Variants in SAFB observed in about 807,000 individuals in gnomAD.
The protein encoded by SAFB is scaffold attachment factor B1.
A neutral mutation model predicts 101.6 loss-of-function variants in SAFB; 15 were observed. The ratio of observed to expected loss-of-function variants is 0.15; its 90% confidence interval spans 0.10 to 0.23. The LOEUF (loss-of-function observed/expected upper bound fraction) is 0.23, where lower values mean the gene tolerates loss of function less well. SAFB is among the 10% of genes least tolerant of loss of function. The pLI is 1.00. For missense variants in SAFB, 930 were observed against 1,104.1 expected (o/e 0.84, Z 2.23); for synonymous variants, 449 against 407.5 (o/e 1.10, Z -1.23).
intron 15 of SAFB, among the ~76,000 whole-genome samples, chr19:5,663,707 G>T (rs2054266921): frequency 6.6e-6 from 1 of 152,186 alleles, no homozygotes. Flanking sequence ...AGGCTCACGT[G>T]GTCTTCCTGA....
intron 2 of SAFB, among the ~76,000 whole-genome samples, chr19:5,640,670 A>G (rs558458443): frequency 1.1e-4 from 17 of 152,164 alleles, no homozygotes; most frequent in African/African-American, 4.1e-4. Context: ...GCTCACTGCA[A>G]CCTAAACCTC....
chr19:5,645,768 C>T (rs1454597502), intron 5 of SAFB, among the ~76,000 whole-genome samples: 2 of 152,124 alleles, frequency 1.3e-5, no homozygotes, highest in African/African-American at 4.8e-5. Flanking sequence ...GGCATGGCTA[C>T]CTGGGAAAGA....
intron 8 of SAFB, 82 bp downstream of exon 8, chr19:5,650,057 G>T (rs2053903151): frequency 2.8e-6 from 3 of 1,074,546 alleles, no homozygotes; most frequent in Non-Finnish European, 2.9e-6. Context: ...TTCATCGCGT[G>T]CTATGCTCCT....
intron 13 of SAFB, among the ~76,000 whole-genome samples, chr19:5,656,824 C>T (rs193083899): frequency 4.7e-4 from 72 of 152,002 alleles, no homozygotes; most frequent in African/African-American, 1.6e-3. Context: ...AGGCTGGAGT[C>T]GAGTGGCTCG....
Position 5,667,172 on chromosome 19 carries a change from T to G in SAFB, c.2453+8T>G. The G allele has an allele frequency of 6.6e-7, 1 of 1,512,184 alleles. No individual in the cohort carries two copies. Among genetic ancestry groups the G allele is most frequent in the Non-Finnish European group, 9.1e-7 (1 of 1,095,650 alleles). 93.7% of individuals were successfully genotyped at this position (1,512,184 alleles called of 1,614,324 possible). A position where few individuals can be genotyped will look rare whatever the true frequency, so the allele number is the denominator to read the frequency against. Reference sequence around the variant, plus strand: ...GCTGCCTCCTCCCCCCAGGTTTGTGTCCCACACCCGACAGTACCTGACCCC... The same window carrying G: ...GCTGCCTCCTCCCCCCAGGTTTGTGGCCCACACCCGACAGTACCTGACCCC... On this transcript the variant is annotated splice_region_variant and intron_variant, in intron 18 of 20. Coordinates refer to ENST00000588852, the MANE Select transcript of SAFB (RefSeq NM_001201338.2). This position sits in a 1 kb window ranked among gnomAD's most constrained non-coding sequence, Gnocchi z 4.0.
chr19:5,654,466 A>T lies in SAFB; in HGVS notation c.1755+10A>T. On this transcript the variant is annotated intron_variant, in intron 13 of 20. Coordinates refer to ENST00000588852, the MANE Select transcript of SAFB (RefSeq NM_001201338.2). ...CGGGTCCAAAGAGAGAGTGAGTATT[A>T]ATTTTCTAACTAGGGTATTTTGCTC... is the stretch of plus-strand genomic sequence containing the variant. 2.7e-6 allele frequency: 4 copies of T among 1,508,392 alleles called. No homozygotes were observed. Among genetic ancestry groups the T allele is most frequent in the Non-Finnish European group, 3.7e-6 (4 of 1,083,898 alleles). 93.4% of individuals were successfully genotyped at this position (1,508,392 alleles called of 1,614,324 possible). A position where few individuals can be genotyped will look rare whatever the true frequency, so the allele number is the denominator to read the frequency against.
chr19:5,649,724 C>T (rs2053894346), intron 7 of SAFB: 3 of 826,222 alleles, frequency 3.6e-6, no homozygotes, highest in East Asian at 2.7e-5. Flanking sequence ...TTCCTAATTA[C>T]CTTTAGCCCA....
rs571672826 is a variant in SAFB at position 5,660,437 on chromosome 19, C to T, written c.1863-1081C>T. Among the ~76,000 whole-genome samples the T allele has an allele frequency of 2.9e-5, 4 of 140,176 alleles. No homozygotes were observed. In the South Asian group the frequency reaches 9.3e-4, roughly 33 times the overall value. 92.0% of individuals were successfully genotyped at this position (140,176 alleles called of 152,430 possible). A position where few individuals can be genotyped will look rare whatever the true frequency, so the allele number is the denominator to read the frequency against. On this transcript the variant is annotated intron_variant, in intron 14 of 20. Coordinates refer to ENST00000588852, the MANE Select transcript of SAFB (RefSeq NM_001201338.2). The stretch of plus-strand genomic sequence containing the variant: ...GTGCAATCATAGTTCACTGCAGCCT[C>T]TACCTCCTGGTTTCAAGTGATTGAT...
chr19:5,665,484 T>G (rs1219193722), intron 17 of SAFB: 1 of 152,066 alleles, frequency 6.6e-6, no homozygotes, highest in Non-Finnish European at 1.5e-5. Flanking sequence ...ACAAACGTGT[T>G]TATCATTGCC....
chr19:5,668,406 C>A lies in SAFB; in HGVS notation c.*115C>A. 2.6e-6 allele frequency: 3 copies of A among 1,136,858 alleles called. No individual in the cohort carries two copies. Among genetic ancestry groups the A allele is most frequent in the Non-Finnish European group, 3.6e-6 (3 of 829,040 alleles). 70.4% of individuals were successfully genotyped at this position (1,136,858 alleles called of 1,614,324 possible). A position where few individuals can be genotyped will look rare whatever the true frequency, so the allele number is the denominator to read the frequency against. On this transcript the variant is annotated 3_prime_UTR_variant, in exon 21 of 21. Transcript: ENST00000588852. ...TCTGCTGCCATATTGTAGCTCAATA[C>A]AATGTGAATTTGTTTTTCGTTTTGG...
chr19:5,642,011 G>A, intron 4 of SAFB, 65 bp downstream of exon 4: 3 of 1,296,882 alleles, frequency 2.3e-6, no homozygotes, highest in Non-Finnish European at 2.2e-6. Flanking sequence ...TAAAATAGGT[G>A]ATCAGTTTCA....
chr19:5,642,103 T>C (rs1483342077), intron 4 of SAFB, 157 bp downstream of exon 4: 3 of 710,618 alleles, frequency 4.2e-6, no homozygotes, highest in East Asian at 2.7e-5. Context: ...CCAATTTGTT[T>C]TGTTGAAAGG....
Position 5,667,452 on chromosome 19 carries a change from TGAG to T in SAFB, c.2557+6_2557+8del, listed in dbSNP as rs1261050719. Reference sequence around the variant, plus strand: ...ACAGGGATCACAAGAGGTGGCAAGGTGAGGAGCAGCTCTGGGCTGGGACCAGGA... The same window carrying T: ...ACAGGGATCACAAGAGGTGGCAAGGTGAGCAGCTCTGGGCTGGGACCAGGA... On this transcript the variant is annotated splice_donor_5th_base_variant and intron_variant, in intron 19 of 20. Transcript: ENST00000588852. This position sits in a 1 kb window ranked among gnomAD's most constrained non-coding sequence, Gnocchi z 4.0. 1.2e-5 allele frequency: 18 copies of T among 1,512,536 alleles called. No individual in the cohort carries two copies. The highest frequency in any genetic ancestry group is 1.5e-5 in the Non-Finnish European group (17 of 1,132,942). 93.7% of individuals were successfully genotyped at this position (1,512,536 alleles called of 1,614,324 possible). A position where few individuals can be genotyped will look rare whatever the true frequency, so the allele number is the denominator to read the frequency against.
intron 11 of SAFB, 140 bp from the exon 12 acceptor site, chr19:5,653,921 A>C (rs1482773320): frequency 3.0e-6 from 2 of 674,964 alleles, no homozygotes; most frequent in Non-Finnish European, 5.0e-6. Context: ...TTGTGGTTTT[A>C]GTAGAGATGG....
intron 5 of SAFB, among the ~76,000 whole-genome samples, 161 bp downstream of exon 5, chr19:5,645,560 A>C (rs947337706): frequency 6.6e-6 from 1 of 152,178 alleles, no homozygotes; most frequent in African/African-American, 2.4e-5. Flanking sequence ...CTTTCCTCCA[A>C]ATATAATGTA....
At chr19:5,643,617 C>G (rs2145434428) in intron 4 of SAFB, among the ~76,000 whole-genome samples, 1 of 152,238 alleles carries the variant, frequency 6.6e-6, no homozygotes, top group East Asian at 1.9e-4. Flanking sequence ...TTTTTTCCCT[C>G]CTAAGCAGAA....
intron 5 of SAFB, among the ~76,000 whole-genome samples, chr19:5,646,352 G>C (rs1437887552): frequency 1.3e-5 from 2 of 152,194 alleles, no homozygotes; most frequent in African/African-American, 2.4e-5. Context: ...GTGAAACCCA[G>C]TTCGCTTTTA....
chr19:5,654,566 GT>G, intron 13 of SAFB, 110 bp downstream of exon 13: 2 of 777,426 alleles, frequency 2.6e-6, no homozygotes, highest in South Asian at 2.9e-5. Flanking sequence ...TTTGTCGGCC[GT>G]TTCGAAAATG....
At chr19:5,652,339 C>T (rs1178490846) in intron 9 of SAFB, among the ~76,000 whole-genome samples, 1 of 152,200 alleles carries the variant, frequency 6.6e-6, no homozygotes, top group Non-Finnish European at 1.5e-5. Context: ...GACTCCATGG[C>T]GTCCCCCAGC....
Sources: gnomAD v4.1 joint callset for allele counts (sites outside exome capture counted in the v4.1 genomes callset) on GRCh38, gnomAD v4.1.1 for gene constraint, Gnocchi (gnomAD v3.1) non-coding constraint, MANE v1.5 for transcripts, NCBI Gene and HGNC (gene_info 2026-07-23, HGNC 2026-07-21) for gene names.